WWOX: variants seen among roughly 807,000 people sequenced by gnomAD.
WWOX encodes the protein WW domain-containing oxidoreductase.
In WWOX, 69 loss-of-function variants were observed where a neutral mutation model predicts 46.2. That is an observed-to-expected ratio of 1.49 (90% CI 1.23 to 1.82). The LOEUF (loss-of-function observed/expected upper bound fraction) is 1.82, where lower values mean the gene tolerates loss of function less well. Among genes scored for constraint, WWOX ranks in the 40% most tolerant of loss-of-function variants. The probability of loss-of-function intolerance (pLI) is 0.00; values close to 1 mark genes in which losing one functional copy is unlikely to be tolerated. For missense variants in WWOX, 919 were observed against 542.6 expected, an observed-to-expected ratio of 1.69 and a Z score of -6.89; for synonymous variants, 359 against 202.6, an observed-to-expected ratio of 1.77 and a Z score of -6.56.
intron 4 of WWOX, chr16:78,123,444 T>TTTTTTTTG (rs2033208268): frequency 1.7e-5 from 1 of 57,302 alleles, no homozygotes; most frequent in African/African-American, 7.0e-5. Flanking sequence ...TGTTTTGTTT[T>TTTTTTTTG]TTTTTTTTTT....
chr16:78,578,852 CTG>C (rs1322673691), intron 8 of WWOX, among the ~76,000 whole-genome samples: 1 of 152,192 alleles, frequency 6.6e-6, no homozygotes, highest in Admixed American at 6.5e-5. Flanking sequence ...TACAGAACAT[CTG>C]TCTGTGAACA....
chr16:78,911,579 C>T (rs1050615151), intron 8 of WWOX, among the ~76,000 whole-genome samples: 4 of 151,984 alleles, frequency 2.6e-5, no homozygotes, highest in African/African-American at 7.2e-5. Context: ...TTGTAAGAAA[C>T]ACCAGGCCGG....
intron 5 of WWOX, among the ~76,000 whole-genome samples, chr16:78,239,541 T>C (rs1210241980): frequency 1.3e-5 from 2 of 152,112 alleles, no homozygotes; most frequent in African/African-American, 4.8e-5. Context: ...TTCTAGCTTT[T>C]TTTCTTTTTT....
At chr16:78,918,934 T>C (rs2045313485) in intron 8 of WWOX, among the ~76,000 whole-genome samples, 1 of 152,176 alleles carries the variant, frequency 6.6e-6, no homozygotes, top group Non-Finnish European at 1.5e-5. Flanking sequence ...TTGTGGTTAC[T>C]TGTGGTAAGA....
At chr16:78,900,058 T>G (rs917469999) in intron 8 of WWOX, among the ~76,000 whole-genome samples, 4 of 72,904 alleles carry the variant, frequency 5.5e-5, no homozygotes, top group African/African-American at 8.3e-5. Context: ...CCCTCCTGAC[T>G]TTTTTTTTTT....
intron 5 of WWOX, among the ~76,000 whole-genome samples, chr16:78,322,343 C>A (rs1294513692): frequency 6.6e-6 from 1 of 152,090 alleles, no homozygotes; most frequent in Non-Finnish European, 1.5e-5. Context: ...TAATGTAATG[C>A]ATTGTTATGT....
At chr16:78,833,942 T>C (rs1554983) in intron 8 of WWOX, among the ~76,000 whole-genome samples, 72,659 of 152,202 alleles carry the variant, frequency 0.48, 17,766 homozygotes, top group Non-Finnish European at 0.54. Flanking sequence ...CTGTGTCTTA[T>C]TCTGTGTTGC....
intron 8 of WWOX, among the ~76,000 whole-genome samples, chr16:78,778,648 G>T (rs962566280): frequency 7.2e-5 from 11 of 152,154 alleles, no homozygotes; most frequent in African/African-American, 2.7e-4. Flanking sequence ...TGTTTTCTCA[G>T]TATGTGAAAT....
At chr16:79,075,331 C>T (rs1163915485) in intron 8 of WWOX, among the ~76,000 whole-genome samples, 1 of 152,144 alleles carries the variant, frequency 6.6e-6, no homozygotes. Context: ...CGGCAGATCA[C>T]AGGAAGGGAA....
intron 8 of WWOX, among the ~76,000 whole-genome samples, chr16:79,118,948 T>A (rs2049572928): frequency 6.6e-6 from 1 of 152,248 alleles, no homozygotes; most frequent in Non-Finnish European, 1.5e-5. Flanking sequence ...TGGTTTTAAA[T>A]ACTTTTGGTG....
intron 5 of WWOX, among the ~76,000 whole-genome samples, chr16:78,364,486 T>G (rs2081486983): frequency 6.6e-6 from 1 of 152,158 alleles, no homozygotes; most frequent in Admixed American, 6.5e-5. Context: ...GATCTTACAG[T>G]TATTACTTTG....
chr16:78,281,685 T>A (rs1458674687), intron 5 of WWOX, among the ~76,000 whole-genome samples: 7 of 152,140 alleles, frequency 4.6e-5, no homozygotes, highest in African/African-American at 1.7e-4. Context: ...GAATTTGAAT[T>A]TCATATACAT....
chr16:78,896,945 G>C (rs2044713928), intron 8 of WWOX: 1 of 151,914 alleles, frequency 6.6e-6, no homozygotes, highest in African/African-American at 2.4e-5. Flanking sequence ...GAACATTCCA[G>C]GGCCAGGTTC....
At chr16:78,685,921 G>A (rs899528425) in intron 8 of WWOX, among the ~76,000 whole-genome samples, 2 of 151,828 alleles carry the variant, frequency 1.3e-5, no homozygotes, top group Non-Finnish European at 1.5e-5. Flanking sequence ...AAAGAAAAAA[G>A]AGAGGTGGGT....
intron 8 of WWOX, among the ~76,000 whole-genome samples, chr16:78,810,130 A>T (rs937155105): frequency 1.4e-4 from 22 of 152,240 alleles, no homozygotes; most frequent in Admixed American, 1.1e-3. Context: ...AGGAGCCCTC[A>T]TACAGTTCTG....
intron 8 of WWOX, among the ~76,000 whole-genome samples, chr16:78,667,902 T>A (rs1207311939): frequency 2.0e-5 from 3 of 152,098 alleles, no homozygotes; most frequent in African/African-American, 7.2e-5. Context: ...CTTATCTGTT[T>A]CTAGGATGTG....
chr16:78,243,986 C>G lies in WWOX; in HGVS notation c.516+79697C>G, dbSNP rs2037740373. On this transcript the variant is annotated intron_variant, in intron 5 of 8. Coordinates refer to ENST00000566780, the MANE Select transcript of WWOX (RefSeq NM_016373.4). ...TCCTGTCCTTGACCCAATCTCCACT[C>G]TACCGTTTGATGTCCAGTGTGGACT... Among the ~76,000 whole-genome samples the G allele has an allele frequency of 2.0e-5, 3 of 152,240 alleles. No individual in the cohort carries two copies. The South Asian group carries it at 6.2e-4, about 32-fold the overall frequency.
intron 8 of WWOX, among the ~76,000 whole-genome samples, chr16:78,511,064 A>G (rs775924660): frequency 3.9e-5 from 6 of 152,214 alleles, no homozygotes; most frequent in Middle Eastern, 3.2e-3. Context: ...CTGCGTGTTT[A>G]TAGTCCCAGG....
At chr16:78,775,141 G>C (rs759607205) in intron 8 of WWOX, among the ~76,000 whole-genome samples, 1 of 152,046 alleles carries the variant, frequency 6.6e-6, no homozygotes, top group Non-Finnish European at 1.5e-5. Context: ...GAAGTGTCTG[G>C]TTCCTGAAAT....
Sources: gnomAD v4.1 joint callset for allele counts (sites outside exome capture counted in the v4.1 genomes callset) on GRCh38, gnomAD v4.1.1 for gene constraint, MANE v1.5 for transcripts, NCBI Gene and HGNC (gene_info 2026-07-23, HGNC 2026-07-21) for gene names.